The following EGR2 variants were observed in gnomAD, a reference collection of about 807,000 sequenced individuals.
The protein encoded by EGR2 is early growth response 2.
A neutral mutation model predicts 21.2 loss-of-function variants in EGR2; 2 were observed. The observed-to-expected ratio is 0.09, with a 90% CI of 0.04 to 0.30. The LOEUF (loss-of-function observed/expected upper bound fraction) is 0.30. EGR2 is among the 10% of genes least tolerant of loss of function. The pLI, the probability that EGR2 is intolerant of heterozygous loss-of-function variation, is 1.00. For missense variants in EGR2, 458 were observed against 630.2 expected, an observed-to-expected ratio of 0.73 and a Z score of 2.93; for synonymous variants, 282 against 258.2, an observed-to-expected ratio of 1.09 and a Z score of -0.88.
chr10:62,818,400 G>A (rs957736561), upstream of EGR2: 3 of 258,944 alleles, frequency 1.2e-5, no homozygotes, highest in Admixed American at 1.2e-4. Context: ...TTTCCAATTG[G>A]GGATGAAAAG....
At position 62,813,759 on chromosome 10, in the gene EGR2, C is replaced by T. The variant is rs543533673; in HGVS notation, c.879G>A (p.Arg293=). The T allele has an allele frequency of 8.1e-6, 13 of 1,612,048 alleles. No homozygotes were observed. Among genetic ancestry groups the T allele is most frequent in the Non-Finnish European group, 1.0e-5 (12 of 1,179,400 alleles). ...CTGCTGCTGAGCTGCTACCAGGCAG[C>T]CGGGGTCCCTCGCTGCCTCCACTGG... The part of the protein sequence containing the change: ...PGASGGSEGP[R]LPGSSSAAAA... The change falls in exon 2 of 2, where the codon CGG becomes CGA. Residue 293 remains arginine (R), a synonymous_variant. Coordinates refer to ENST00000242480, the MANE Select transcript of EGR2 (RefSeq NM_000399.5). This position sits in a 1 kb window ranked among gnomAD's most constrained non-coding sequence, Gnocchi z 5.7.
chr10:62,814,167 G>T lies in EGR2; in HGVS notation c.471C>A (p.Thr157=). The T allele has an allele frequency of 6.2e-7, 1 of 1,614,146 alleles. No individual in the cohort carries two copies. Reference sequence around the variant, plus strand: ...AGTACAGGTGGTCCAGGTCAGGCTGGGTCTGGGACATGGTGCACACACCCA... The same window carrying T: ...AGTACAGGTGGTCCAGGTCAGGCTGTGTCTGGGACATGGTGCACACACCCA... ...GPLGVCTMSQ[T]QPDLDHLYSP... is the part of the protein sequence containing the mutation. The change falls in exon 2 of 2, where the codon ACC becomes ACA. Residue 157 remains threonine (T), a synonymous_variant. Transcript: ENST00000242480. This position sits in a 1 kb window ranked among gnomAD's most constrained non-coding sequence, Gnocchi z 4.8.
At chr10:62,816,716 T>G (rs1197219428), upstream of EGR2, among the ~76,000 whole-genome samples, 1 of 152,140 alleles carries the variant, frequency 6.6e-6, no homozygotes, top group Non-Finnish European at 1.5e-5. Flanking sequence ...ATTCCGGTTC[T>G]CTGGGACTTT....
In EGR2 at chr10:62,812,988, T is replaced by G; in HGVS notation, c.*219A>C. The G allele has an allele frequency of 2.1e-6, 1 of 466,168 alleles. No individual in the cohort carries two copies. The highest frequency in any genetic ancestry group is 3.6e-6 in the Non-Finnish European group (1 of 274,496). The allele number at this position is 466,168 out of a possible 1,614,324, so 28.9% of individuals were successfully genotyped here. A position where few individuals can be genotyped will look rare whatever the true frequency, so the allele number is the denominator to read the frequency against. ...CTCCTTCTGAGCCTCCCCTTTGCCT[T>G]GGGTTGATAGTCAACTCACCTAAGA... is the stretch of plus-strand genomic sequence containing the variant. On this transcript the variant is annotated 3_prime_UTR_variant, in exon 2 of 2. Coordinates refer to ENST00000242480, the MANE Select transcript of EGR2 (RefSeq NM_000399.5).
At position 62,816,004 on chromosome 10, in the gene EGR2, T is replaced by C. The variant is rs763870213; in HGVS notation, c.26A>G (p.Lys9Arg). 4 of 1,614,162 alleles carry C rather than the reference T, an allele frequency of 2.5e-6. No individual in the cohort carries two copies. In the South Asian group the frequency reaches 4.4e-5, roughly 18 times the overall value. MMTAKAVDKIPVTLSGFVH... is the reference protein window; with the variant it reads MMTAKAVDRIPVTLSGFVH... ...AAAACCACTGAGAGTTACTGGGATT[T>C]TGTCTACGGCCTTGGCGGTCATCAT... The change falls in exon 1 of 2, where the codon AAA (lysine) becomes AGA (arginine). Residue 9 changes from lysine to arginine, a missense_variant. By Grantham distance (26) the Lys-to-Arg change is conservative (BLOSUM62 2). This residue lies in a region of EGR2 where 91 missense variants were observed against 105.2 expected (regional missense o/e 0.87). Transcript: ENST00000242480.
Position 62,812,867 on chromosome 10 carries a change from TCAAA to T in EGR2, c.*336_*339del. ...TCCAGGGTCAAAAACCTGTGATGGG[TCAAA>T]ATAAGGGGAAGTGGGGTAGCAAAAC... On this transcript the variant is annotated 3_prime_UTR_variant, in exon 2 of 2. Coordinates refer to ENST00000242480, the MANE Select transcript of EGR2 (RefSeq NM_000399.5). The T allele has an allele frequency of 9.1e-6, 2 of 219,856 alleles. No individual in the cohort carries two copies. The highest frequency in any genetic ancestry group is 1.6e-4 in the South Asian group (1 of 6,358). 13.6% of individuals were successfully genotyped at this position (219,856 alleles called of 1,614,324 possible).
rs750279069 is a variant in EGR2, at chr10:62,816,059, T to A, written c.-30A>T. ...TCCTCGCACAACCTGGAGACCCAAC[T>A]CCCTCGCTACCTGGAGTGTCAGAAA... is the stretch of plus-strand genomic sequence containing the variant. On this transcript the variant is annotated 5_prime_UTR_variant, in exon 1 of 2. Transcript: ENST00000242480. 1.7e-5 allele frequency: 28 copies of A among 1,613,912 alleles called. No individual in the cohort carries two copies. In the South Asian group the frequency reaches 3.1e-4, roughly 18 times the overall value.
rs922281673 is a variant in EGR2, at chr10:62,814,983, C to CT, written c.170-516dup. Among the ~76,000 whole-genome samples, 5 of 152,218 alleles carry CT rather than the reference C, an allele frequency of 3.3e-5. No homozygotes were observed. The highest frequency in any genetic ancestry group is 1.2e-4 in the African/African-American group (5 of 41,464). Reference sequence around the variant, plus strand: ...GCTCCCCATCCCCGGCGCCTTGTGCCTTTTTCTCCCTCCCTCTCCCGCTGC... The same window carrying CT: ...GCTCCCCATCCCCGGCGCCTTGTGCCTTTTTTCTCCCTCCCTCTCCCGCTGC... On this transcript the variant is annotated intron_variant, in intron 1 of 1. Transcript: ENST00000242480. This position sits in a 1 kb window ranked among gnomAD's most constrained non-coding sequence, Gnocchi z 4.8.
At chr10:62,815,771 A>C in intron 1 of EGR2, 90 bp downstream of exon 1, 1 of 1,505,708 alleles carries the variant, frequency 6.6e-7, no homozygotes, top group Non-Finnish European at 9.1e-7. Context: ...TGGAGCCCCA[A>C]TCCTCTCCTG....
chr10:62,815,350 G>A (rs577299141), intron 1 of EGR2, among the ~76,000 whole-genome samples: 1 of 152,236 alleles, frequency 6.6e-6, no homozygotes, highest in South Asian at 2.1e-4. Context: ...GCGGGCAGGT[G>A]GGGGCGCGCC....
upstream of EGR2, among the ~76,000 whole-genome samples, chr10:62,818,151 G>C (rs913491841): frequency 1.3e-5 from 2 of 152,172 alleles, no homozygotes; most frequent in Admixed American, 6.5e-5. Flanking sequence ...CGCTGCAGGC[G>C]GGTCTTCAGC....
At position 62,814,616 on chromosome 10, in the gene EGR2, G is replaced by A; in HGVS notation, c.170-148C>T. ...AAAGTCCAAAAGGTGGGGAAATTGAGGCCCACAGACTGTAAGAAGAGGCCA... is the reference window on the plus strand; with the variant it reads ...AAAGTCCAAAAGGTGGGGAAATTGAAGCCCACAGACTGTAAGAAGAGGCCA... On this transcript the variant is annotated intron_variant, in intron 1 of 1. Coordinates refer to ENST00000242480, the MANE Select transcript of EGR2 (RefSeq NM_000399.5). The surrounding 1 kb of genome is among the most constrained non-coding windows in gnomAD (Gnocchi z 4.8). The A allele has an allele frequency of 1.2e-6, 1 of 807,274 alleles. No individual in the cohort carries two copies. The allele number at this position is 807,274 out of a possible 1,614,324, so 50.0% of individuals were successfully genotyped here.
At chr10:62,818,300 A>C (rs1252275443), upstream of EGR2, among the ~76,000 whole-genome samples, 1 of 152,136 alleles carries the variant, frequency 6.6e-6, no homozygotes, top group Admixed American at 6.5e-5. Flanking sequence ...CCTCCCTCCA[A>C]AACAGCCGGT....
In EGR2 at chr10:62,813,509, G is replaced by A; in HGVS notation, c.1129C>T (p.Arg377Cys). 3 of 1,613,978 alleles carry A rather than the reference G, an allele frequency of 1.9e-6. No individual in the cohort carries two copies. The highest frequency in any genetic ancestry group is 2.5e-6 in the Non-Finnish European group (3 of 1,180,046). ...HKPFQCRICM[R>C]NFSRSDHLTT... ...AGGTGGTCACTGCGGCTGAAGTTGC[G>A]CATGCAGATCCGACACTGGAAGGGC... Residue 377 changes from arginine (R) to cysteine (C), a missense_variant, in exon 2 of 2, where the codon CGC (arginine) becomes TGC (cysteine). By Grantham distance (180) the Arg-to-Cys change is radical. Coordinates refer to ENST00000242480, the MANE Select transcript of EGR2 (RefSeq NM_000399.5). This position sits in a 1 kb window ranked among gnomAD's most constrained non-coding sequence, Gnocchi z 5.7.
upstream of EGR2, among the ~76,000 whole-genome samples, chr10:62,818,002 G>A (rs1198691316): frequency 6.6e-6 from 1 of 152,168 alleles, no homozygotes; most frequent in African/African-American, 2.4e-5. Flanking sequence ...CTCCAAAGCC[G>A]CGGAGGCCAG....
chr10:62,815,110 G>C (rs968152945), intron 1 of EGR2, among the ~76,000 whole-genome samples: 1 of 152,238 alleles, frequency 6.6e-6, no homozygotes, highest in African/African-American at 2.4e-5. Flanking sequence ...ACAGCCGCGC[G>C]TCCCCGCCTC....
rs762923017 is a variant in EGR2, at chr10:62,813,706, T to G, written c.932A>C (p.Asn311Thr). 1 of 1,612,628 alleles carries G rather than the reference T, an allele frequency of 6.2e-7. No homozygotes were observed. The highest frequency in any genetic ancestry group is 1.3e-5 in the African/African-American group (1 of 75,002). ...GGGCCGCAGTGGCAGGTGGTGTGGG[T>G]TATAGGCGGCGGCGGCGGCGGCTGC... ...AAAAAAAAAYNPHHLPLRPIL... is the reference protein window; with the variant it reads ...AAAAAAAAAYTPHHLPLRPIL... Residue 311 changes from asparagine (N) to threonine (T), a missense_variant, in exon 2 of 2, where the codon AAC becomes ACC. By Grantham distance (65) the Asn-to-Thr change is moderately conservative (BLOSUM62 0). This residue lies in a region of EGR2 where 253 missense variants were observed against 315.5 expected (regional missense o/e 0.80). Coordinates refer to ENST00000242480, the MANE Select transcript of EGR2 (RefSeq NM_000399.5). This position sits in a 1 kb window ranked among gnomAD's most constrained non-coding sequence, Gnocchi z 5.7.
chr10:62,814,030 G>T lies in EGR2; in HGVS notation c.608C>A (p.Pro203Gln), dbSNP rs1055082588. The T allele has an allele frequency of 6.2e-7, 1 of 1,614,174 alleles. No homozygotes were observed. The highest frequency in any genetic ancestry group is 2.2e-5 in the East Asian group (1 of 44,882). Reference protein sequence around the residue: ...TTSTSSSLAYPPPPSYPSPKP... With the variant: ...TTSTSSSLAYQPPPSYPSPKP... ...GGGGGATGGATAGGAAGGAGGTGGT[G>T]GGTAGGCCAGAGAGGAAGAGGTGGA... The change falls in exon 2 of 2, where the codon CCA (proline) becomes CAA (glutamine). Residue 203 changes from proline (P) to glutamine (Q), a missense_variant. By Grantham distance (76) the Pro-to-Gln change is moderately conservative. Coordinates refer to ENST00000242480, the MANE Select transcript of EGR2 (RefSeq NM_000399.5). This position sits in a 1 kb window ranked among gnomAD's most constrained non-coding sequence, Gnocchi z 4.8.
At chr10:62,818,497 G>T, upstream of EGR2, 1 of 1,124,244 alleles carries the variant, frequency 8.9e-7, no homozygotes, top group Non-Finnish European at 1.1e-6. Context: ...TCTCAAGAAA[G>T]AAAGAAAGAA....
Sources: allele counts gnomAD v4.1 joint callset (sites outside exome capture counted in the v4.1 genomes callset), GRCh38; gene constraint gnomAD v4.1.1; regional missense constraint gnomAD v4.1.1; non-coding constraint Gnocchi (gnomAD v3.1); transcripts MANE v1.5; gene names NCBI Gene and HGNC (gene_info 2026-07-23, HGNC 2026-07-21).